The following DACH1 variants were observed in gnomAD, a reference collection of about 807,000 sequenced individuals.
DACH1 encodes the protein dachshund homolog 1.
In DACH1, 12 loss-of-function variants were observed where a neutral mutation model predicts 54.2. The ratio of observed to expected loss-of-function variants is 0.22; its 90% confidence interval spans 0.14 to 0.36. The LOEUF is 0.36. Among genes scored for constraint, DACH1 ranks in the 10% least tolerant of loss-of-function variants. The pLI, the probability that DACH1 is intolerant of heterozygous loss-of-function variation, is 1.00. For missense variants in DACH1, 805 were observed against 929.8 expected (o/e 0.87, Z 1.75); for synonymous variants, 386 against 366.2 (o/e 1.05, Z -0.62).
chr13:71,495,172 A>T (rs1879297318), intron 6 of DACH1, among the ~76,000 whole-genome samples: 1 of 152,084 alleles, frequency 6.6e-6, no homozygotes, highest in South Asian at 2.1e-4. Context: ...CATTACAAAG[A>T]GATTCACAAT....
At chr13:71,628,501 A>G (rs972950238) in intron 3 of DACH1, among the ~76,000 whole-genome samples, 2 of 152,076 alleles carry the variant, frequency 1.3e-5, no homozygotes, top group African/African-American at 4.8e-5. Context: ...TGTTAGCACA[A>G]TCTCAAACTA....
intron 1 of DACH1, among the ~76,000 whole-genome samples, chr13:71,688,729 C>A (rs1881314041): frequency 6.6e-6 from 1 of 152,140 alleles, no homozygotes; most frequent in African/African-American, 2.4e-5. Flanking sequence ...CTCACAAGCA[C>A]AAAAGCACTC....
chr13:71,569,595 T>C (rs890640985), intron 4 of DACH1, among the ~76,000 whole-genome samples: 1 of 152,152 alleles, frequency 6.6e-6, no homozygotes, highest in African/African-American at 2.4e-5. Flanking sequence ...CTCCATTTCA[T>C]GTACTGGCAT....
chr13:71,797,972 AAG>A (rs1324996575), intron 1 of DACH1, among the ~76,000 whole-genome samples: 1 of 152,088 alleles, frequency 6.6e-6, no homozygotes, highest in Non-Finnish European at 1.5e-5. Context: ...GTAATTTCAA[AAG>A]AGTTTTCCAG....
chr13:71,816,118 G>T (rs1181197716), intron 1 of DACH1, among the ~76,000 whole-genome samples: 1 of 152,034 alleles, frequency 6.6e-6, no homozygotes, highest in Non-Finnish European at 1.5e-5. Flanking sequence ...AATAAGCTCA[G>T]ATTAACCAAA....
intron 2 of DACH1, among the ~76,000 whole-genome samples, chr13:71,650,872 A>C (rs965026312): frequency 1.3e-5 from 2 of 152,218 alleles, no homozygotes; most frequent in African/African-American, 4.8e-5. Context: ...TTTTAATTCA[A>C]GTTTGAAGCT....
chr13:71,586,757 G>C (rs1429184507), intron 3 of DACH1, among the ~76,000 whole-genome samples: 3 of 152,014 alleles, frequency 2.0e-5, no homozygotes, highest in African/African-American at 4.8e-5. Context: ...CAAATAGCAT[G>C]ATGAGCCTTC....
At position 71,508,500 on chromosome 13, in the gene DACH1, T is replaced by C. The variant is rs1880507619; in HGVS notation, c.1571-19352A>G. On this transcript the variant is annotated intron_variant, in intron 6 of 10. Transcript: ENST00000613252. ...TTTTTGTAGATAGATAGGATCTTGC[T>C]CTGTCACCCAGTCTAGAGTGCAGTA... is the stretch of plus-strand genomic sequence containing the variant. Among the ~76,000 whole-genome samples the C allele has an allele frequency of 3.3e-5, 5 of 152,172 alleles. No homozygotes were observed. The South Asian group carries it at 1.0e-3, about 32-fold the overall frequency.
At position 71,590,933 on chromosome 13, in the gene DACH1, C is replaced by A. The variant is rs558533895; in HGVS notation, c.1127-17921G>T. The stretch of plus-strand genomic sequence containing the variant: ...TCTGGCTGTCAACCAGGCGGGAGTG[C>A]AGGGGCGCCATCTCAGGTCACTGCA... On this transcript the variant is annotated intron_variant, in intron 3 of 10. Transcript: ENST00000613252. Among the ~76,000 whole-genome samples the A allele has an allele frequency of 3.8e-4, 49 of 128,708 alleles. 1 individual carries two copies. In the South Asian group the frequency reaches 0.01, roughly 27 times the overall value. The allele number at this position is 128,708 out of a possible 152,430, so 84.4% of individuals were successfully genotyped here.
intron 1 of DACH1, among the ~76,000 whole-genome samples, chr13:71,717,233 C>A (rs1363974572): frequency 6.6e-6 from 1 of 152,084 alleles, no homozygotes; most frequent in African/African-American, 2.4e-5. Context: ...TTTTAAATGT[C>A]AGTCAAATAA....
intron 1 of DACH1, among the ~76,000 whole-genome samples, chr13:71,744,022 G>A (rs960160916): frequency 2.0e-5 from 3 of 152,064 alleles, no homozygotes; most frequent in Non-Finnish European, 4.4e-5. Flanking sequence ...TACCACAGAG[G>A]ACAGATAAGG....
At chr13:71,635,088 G>T (rs1877379155) in intron 2 of DACH1, among the ~76,000 whole-genome samples, 1 of 152,152 alleles carries the variant, frequency 6.6e-6, no homozygotes, top group Non-Finnish European at 1.5e-5. Context: ...TATTGTCACT[G>T]AATGAACAAA....
intron 10 of DACH1, chr13:71,464,595 A>T (rs1876394948): frequency 2.3e-6 from 1 of 443,344 alleles, no homozygotes; most frequent in South Asian, 1.7e-5. Context: ...TAATACATGC[A>T]AATTATGCAA....
intron 6 of DACH1, among the ~76,000 whole-genome samples, chr13:71,494,125 A>AT (rs1396892455): frequency 6.6e-6 from 1 of 152,124 alleles, no homozygotes; most frequent in Non-Finnish European, 1.5e-5. Context: ...GAATACTGTT[A>AT]TTTTTTAGAG....
intron 6 of DACH1, among the ~76,000 whole-genome samples, chr13:71,523,849 A>T (rs550106451): frequency 6.6e-6 from 1 of 152,250 alleles, no homozygotes; most frequent in East Asian, 1.9e-4. Context: ...AACTCATTCT[A>T]TTCTACTTCC....
intron 3 of DACH1, among the ~76,000 whole-genome samples, chr13:71,576,189 GACAGAA>G (rs1406847465): frequency 6.6e-6 from 1 of 151,810 alleles, no homozygotes; most frequent in East Asian, 1.9e-4. Context: ...GGCAGGGGAA[GACAGAA>G]ACAGAAAAAA....
rs1217346110 is a variant in DACH1, at chr13:71,475,777, G to T, written c.1943C>A (p.Thr648Lys). 6.2e-7 allele frequency: 1 copy of T among 1,613,406 alleles called. No individual in the cohort carries two copies. The highest frequency in any genetic ancestry group is 2.2e-5 in the East Asian group (1 of 44,836). Residue 648 changes from threonine (T) to lysine (K), a missense_variant, in exon 9 of 11, where the codon ACG (threonine) becomes AAG (lysine). Physicochemically the swap from Thr to Lys is moderately conservative, Grantham distance 78 (BLOSUM62 -1). This residue lies in a region of DACH1 where 472 missense variants were observed against 545.3 expected (regional missense o/e 0.87). Transcript: ENST00000613252. ...CTGTTCTGCTTGTTCACGCCGTTTC[G>T]TCTCAAACTCAAGTGCTTCCTGCAA... is the stretch of plus-strand genomic sequence containing the variant. Reference protein sequence around the residue: ...RKLQEALEFETKRREQAEQTL... With the variant: ...RKLQEALEFEKKRREQAEQTL...
chr13:71,438,834 G>A lies in DACH1; in HGVS notation c.*1821C>T, dbSNP rs1484304925. The stretch of plus-strand genomic sequence containing the variant: ...CAAAAGGTGGTTATGGAAGAACTAT[G>A]CTTAGAAAACCAAGTTTCTACAAAT... On this transcript the variant is annotated 3_prime_UTR_variant, in exon 11 of 11. Transcript: ENST00000613252. 2 of 152,396 alleles carry A rather than the reference G, an allele frequency of 1.3e-5. No individual in the cohort carries two copies. Among genetic ancestry groups the A allele is most frequent in the African/African-American group, 2.4e-5 (1 of 41,432 alleles). The allele number at this position is 152,396 out of a possible 1,614,324, so 9.4% of individuals were successfully genotyped here. A position where few individuals can be genotyped will look rare whatever the true frequency, so the allele number is the denominator to read the frequency against.
intron 6 of DACH1, among the ~76,000 whole-genome samples, chr13:71,513,455 A>C (rs1261632921): frequency 6.6e-6 from 1 of 152,034 alleles, no homozygotes; most frequent in Non-Finnish European, 1.5e-5. Context: ...TATTTGCAAA[A>C]ATATTAGTAG....
Sources: allele counts gnomAD v4.1 joint callset (sites outside exome capture counted in the v4.1 genomes callset), GRCh38; gene constraint gnomAD v4.1.1; regional missense constraint gnomAD v4.1.1; transcripts MANE v1.5; gene names NCBI Gene and HGNC (gene_info 2026-07-23, HGNC 2026-07-21).